Variants in OR4C12 observed in about 807,000 individuals in gnomAD.
OR4C12 encodes olfactory receptor family 4 subfamily C member 12.
Under a neutral mutation model 12.3 loss-of-function variants are expected in OR4C12, and 11 were observed. The observed-to-expected ratio is 0.89, with a 90% CI of 0.56 to 1.48. The LOEUF (loss-of-function observed/expected upper bound fraction) is 1.48. OR4C12 is among the 40% of genes most tolerant of loss of function. OR4C12 has a pLI of 0.00. For missense variants in OR4C12, 414 were observed against 365.8 expected, an observed-to-expected ratio of 1.13 and a Z score of -1.08; for synonymous variants, 138 against 133.2, an observed-to-expected ratio of 1.04 and a Z score of -0.25.
Position 49,981,924 on chromosome 11 carries a change from A to AG in OR4C12, c.577dup (p.Leu193ProfsTer35). On this transcript the variant is annotated frameshift_variant, in exon 1 of 1. Coordinates refer to ENST00000335238, the MANE Select transcript of OR4C12 (RefSeq NM_001005270.4). LOFTEE classifies it high-confidence loss of function. ...ACTGTTCACAGCAACAAAGAGACCA[A>AG]GGGTATGAGTGTCTATGCAAACAAG... is the stretch of plus-strand genomic sequence containing the variant. 1.2e-6 allele frequency: 2 copies of AG among 1,614,130 alleles called. No individual in the cohort carries two copies. The highest frequency in any genetic ancestry group is 1.7e-6 in the Non-Finnish European group (2 of 1,179,982).
rs1854154016 is a variant in OR4C12 at position 49,982,226 on chromosome 11, AAAG to A, written c.273_275del (p.Phe92del). Reference sequence around the variant, plus strand: ...CATAGGCTTGAGCCATACACCCATTAAAGGAGATGATTTTCTTCTCTTGAAAGG... The same window carrying A: ...CATAGGCTTGAGCCATACACCCATTAGAGATGATTTTCTTCTCTTGAAAGG... On this transcript the variant is annotated inframe_deletion, in exon 1 of 1. Transcript: ENST00000335238. 1 of 1,614,106 alleles carries A rather than the reference AAAG, an allele frequency of 6.2e-7. No homozygotes were observed. Among genetic ancestry groups the A allele is most frequent in the Non-Finnish European group, 8.5e-7 (1 of 1,179,960 alleles).
Position 49,981,643 on chromosome 11 carries a change from G to A in OR4C12, c.859C>T (p.Leu287Phe), listed in dbSNP as rs782523203. Residue 287 changes from leucine (L) to phenylalanine (F), a missense_variant, in exon 1 of 1, where the codon CTC (leucine) becomes TTC (phenylalanine). Physicochemically the swap from Leu to Phe is conservative, Grantham distance 22. Transcript: ENST00000335238. ...VPMLNPVVYT[L>F]RNAEVKSAIR... The stretch of plus-strand genomic sequence containing the variant: ...GCACTTTTTACCTCAGCATTTCTGA[G>A]TGTGTAGACCACGGGATTTAACATT... 3.2e-5 allele frequency: 52 copies of A among 1,613,518 alleles called. 1 individual carries two copies. Among genetic ancestry groups the A allele is most frequent in the Non-Finnish European group, 4.3e-5 (51 of 1,179,790 alleles).
rs782272681 is a variant in OR4C12 at position 49,981,593 on chromosome 11, T to C, written c.909A>G (p.Lys303=). 1.8e-5 allele frequency: 29 copies of C among 1,608,028 alleles called. No individual in the cohort carries two copies. Among genetic ancestry groups the C allele is most frequent in the East Asian group, 6.7e-5 (3 of 44,862 alleles). ...TTATTTAATCATTATCTGAAGTCACTTTTTTTCTCCAAAGCTTCCTTATTG... is the reference window on the plus strand; with the variant it reads ...TTATTTAATCATTATCTGAAGTCACCTTTTTTCTCCAAAGCTTCCTTATTG... ...KSAIRKLWRK[K]VTSDND is the part of the protein sequence containing the mutation. Residue 303 remains lysine, a synonymous_variant, in exon 1 of 1, where the codon AAA becomes AAG. Coordinates refer to ENST00000335238, the MANE Select transcript of OR4C12 (RefSeq NM_001005270.4).
Position 49,981,709 on chromosome 11 carries a change from T to C in OR4C12, c.793A>G (p.Ile265Val), listed in dbSNP as rs199554448. ...VYLRSVTTLP[I>V]DKAVAVFYTM... ...TAAAATACAGCAACAGCTTTATCAA[T>C]GGGCAGAGTGGTCACTGAGCGCAGA... The change falls in exon 1 of 1, where the codon ATT (isoleucine) becomes GTT (valine). Residue 265 changes from isoleucine (I) to valine (V), a missense_variant. By Grantham distance (29) the Ile-to-Val change is conservative (BLOSUM62 3). Coordinates refer to ENST00000335238, the MANE Select transcript of OR4C12 (RefSeq NM_001005270.4). 447 of 1,613,820 alleles carry C rather than the reference T, an allele frequency of 2.8e-4. No individual in the cohort carries two copies. Among genetic ancestry groups the C allele is most frequent in the East Asian group, 1.2e-3 (53 of 44,858 alleles).
In OR4C12 at chr11:49,982,150, A is replaced by G. The variant is rs1555020254; in HGVS notation, c.352T>C (p.Cys118Arg). ...TTGCAGATGGCCACATAGCAGTCAC[A>G]GGCCATCACTGTCAGCAGGATGATC... ...TEIILLTVMA[C>R]DCYVAICKPL... The change falls in exon 1 of 1, where the codon TGT (cysteine) becomes CGT (arginine). Residue 118 changes from cysteine to arginine, a missense_variant. Transcript: ENST00000335238. The G allele has an allele frequency of 3.1e-6, 5 of 1,613,956 alleles. No individual in the cohort carries two copies. In the Admixed American group the frequency reaches 6.7e-5, roughly 22 times the overall value.
chr11:49,982,313 G>A lies in OR4C12; in HGVS notation c.189C>T (p.His63=). 1.2e-6 allele frequency: 2 copies of A among 1,614,068 alleles called. No homozygotes were observed. Among genetic ancestry groups the A allele is most frequent in the Admixed American group, 1.7e-5 (1 of 60,006 alleles). Reference sequence around the variant, plus strand: ...AATAAACTGTGTCTATCAAAGAAAGGTGGGTCAGGAAGAAGTACATGGGGG... The same window carrying A: ...AATAAACTGTGTCTATCAAAGAAAGATGGGTCAGGAAGAAGTACATGGGGG... ...LSSPMYFFLT[H]LSLIDTVYSS... Residue 63 remains histidine, a synonymous_variant, in exon 1 of 1, where the codon CAC becomes CAT. Coordinates refer to ENST00000335238, the MANE Select transcript of OR4C12 (RefSeq NM_001005270.4).
rs781918776 is a variant in OR4C12 at position 49,982,335 on chromosome 11, G to A, written c.167C>T (p.Pro56Leu). ...TITTSQALSSPMYFFLTHLSL... is the reference protein window; with the variant it reads ...TITTSQALSSLMYFFLTHLSL... ...AAGGTGGGTCAGGAAGAAGTACATG[G>A]GGGAGCTCAGAGCCTGGCTGGTGGT... Residue 56 changes from proline (P) to leucine (L), a missense_variant, in exon 1 of 1, where the codon CCC (proline) becomes CTC (leucine). Physicochemically the swap from Pro to Leu is moderately conservative, Grantham distance 98. Transcript: ENST00000335238. The A allele has an allele frequency of 9.6e-5, 155 of 1,614,060 alleles. No homozygotes were observed. The East Asian group carries it at 2.1e-3, about 22-fold the overall frequency.
At position 49,982,491 on chromosome 11, in the gene OR4C12, T is replaced by C; in HGVS notation, c.11A>G (p.Lys4Arg). The change falls in exon 1 of 1, where the codon AAA becomes AGA. Residue 4 changes from lysine to arginine, a missense_variant. Coordinates refer to ENST00000335238, the MANE Select transcript of OR4C12 (RefSeq NM_001005270.4). ...TAAAATGAATTCAGTCACATTCTTTTTCTTCTCCATCTATGTAGTGTGGGT... is the reference window on the plus strand; with the variant it reads ...TAAAATGAATTCAGTCACATTCTTTCTCTTCTCCATCTATGTAGTGTGGGT... MEKKKNVTEFILIG... is the reference protein window; with the variant it reads MEKRKNVTEFILIG... 4 of 1,597,308 alleles carry C rather than the reference T, an allele frequency of 2.5e-6. No individual in the cohort carries two copies. The highest frequency in any genetic ancestry group is 3.4e-6 in the Non-Finnish European group (4 of 1,166,852).
rs782106341 is a variant in OR4C12, at chr11:49,981,784, A to G, written c.718T>C (p.Ser240Pro). 12 of 1,613,930 alleles carry G rather than the reference A, an allele frequency of 7.4e-6. No individual in the cohort carries two copies. Among genetic ancestry groups the G allele is most frequent in the Non-Finnish European group, 1.0e-5 (12 of 1,179,900 alleles). ...AATAAGACAACTACTATGATGTGAG[A>G]AATACAGGTGGAGAGGGCTTTACAC... The part of the protein sequence containing the change: ...GRCKALSTCI[S>P]HIIVVVLFFV... The change falls in exon 1 of 1, where the codon TCT (serine) becomes CCT (proline). Residue 240 changes from serine (S) to proline (P), a missense_variant. Coordinates refer to ENST00000335238, the MANE Select transcript of OR4C12 (RefSeq NM_001005270.4).
chr11:49,981,588 G>A lies in OR4C12; in HGVS notation c.914C>T (p.Thr305Ile). Residue 305 changes from threonine to isoleucine, a missense_variant, in exon 1 of 1, where the codon ACT becomes ATT. By Grantham distance (89) the Thr-to-Ile change is moderately conservative (BLOSUM62 -1). Transcript: ENST00000335238. Reference sequence around the variant, plus strand: ...TGGTCTTATTTAATCATTATCTGAAGTCACTTTTTTTCTCCAAAGCTTCCT... The same window carrying A: ...TGGTCTTATTTAATCATTATCTGAAATCACTTTTTTTCTCCAAAGCTTCCT... ...AIRKLWRKKV[T>I]SDND 6.2e-7 allele frequency: 1 copy of A among 1,605,986 alleles called. No homozygotes were observed. Among genetic ancestry groups the A allele is most frequent in the East Asian group, 2.2e-5 (1 of 44,818 alleles).
chr11:49,982,126 T>G lies in OR4C12; in HGVS notation c.376A>C (p.Lys126Gln). 3 of 1,614,162 alleles carry G rather than the reference T, an allele frequency of 1.9e-6. 1 individual carries two copies. The South Asian group carries it at 3.3e-5, about 18-fold the overall frequency. ...MACDCYVAIC[K>Q]PLNYTTIMSH... ...ATAATGGTTGTGTAGTTCAGAGGTT[T>G]GCAGATGGCCACATAGCAGTCACAG... is the stretch of plus-strand genomic sequence containing the variant. Residue 126 changes from lysine to glutamine, a missense_variant, in exon 1 of 1, where the codon AAA becomes CAA. Physicochemically the swap from Lys to Gln is moderately conservative, Grantham distance 53 (BLOSUM62 1). Coordinates refer to ENST00000335238, the MANE Select transcript of OR4C12 (RefSeq NM_001005270.4).
rs782174569 is a variant in OR4C12 at position 49,982,414 on chromosome 11, A to C, written c.88T>G (p.Leu30Val). ...GAAAGTGTTATCATGTAAAGAACCA[A>C]AAATACTACAAACGTGACTTTCTCC... is the stretch of plus-strand genomic sequence containing the variant. ...IMEKVTFVVF[L>V]VLYMITLSGN... Residue 30 changes from leucine to valine, a missense_variant, in exon 1 of 1, where the codon TTG becomes GTG. By Grantham distance (32) the Leu-to-Val change is conservative. Coordinates refer to ENST00000335238, the MANE Select transcript of OR4C12 (RefSeq NM_001005270.4). The C allele has an allele frequency of 1.5e-5, 25 of 1,613,730 alleles. No individual in the cohort carries two copies. The Middle Eastern group carries it at 4.9e-4, about 32-fold the overall frequency.
chr11:49,982,089 A>T lies in OR4C12; in HGVS notation c.413T>A (p.Leu138Gln), dbSNP rs374949660. ...LNYTTIMSHS[L>Q]CILLVAVAWV... is the part of the protein sequence containing the mutation. ...GGCCACTGCCACCAGGAGAATGCAC[A>T]GGCTGTGGCTCATAATGGTTGTGTA... is the stretch of plus-strand genomic sequence containing the variant. The change falls in exon 1 of 1, where the codon CTG becomes CAG. Residue 138 changes from leucine to glutamine, a missense_variant. Physicochemically the swap from Leu to Gln is moderately radical, Grantham distance 113. Transcript: ENST00000335238. 7 of 1,614,214 alleles carry T rather than the reference A, an allele frequency of 4.3e-6. No homozygotes were observed. The highest frequency in any genetic ancestry group is 5.9e-6 in the Non-Finnish European group (7 of 1,180,020).
In OR4C12 at chr11:49,981,682, T is replaced by C. The variant is rs782374513; in HGVS notation, c.820A>G (p.Thr274Ala). The C allele has an allele frequency of 2.4e-5, 38 of 1,613,404 alleles. No homozygotes were observed. In the East Asian group the frequency reaches 4.9e-4, roughly 21 times the overall value. Residue 274 changes from threonine (T) to alanine (A), a missense_variant, in exon 1 of 1, where the codon ACT becomes GCT. By Grantham distance (58) the Thr-to-Ala change is moderately conservative (BLOSUM62 0). Transcript: ENST00000335238. ...GGATTTAACATTGGGACCACCATAG[T>C]ATAAAATACAGCAACAGCTTTATCA... ...PIDKAVAVFY[T>A]MVVPMLNPVV... is the part of the protein sequence containing the mutation.
In OR4C12 at chr11:49,982,004, G is replaced by A. The variant is rs1403445589; in HGVS notation, c.498C>T (p.Phe166=). The change falls in exon 1 of 1, where the codon TTC becomes TTT. Residue 166 remains phenylalanine (F), a synonymous_variant. Transcript: ENST00000335238. ...AGTGGCCTATGACATTGGGGCCACA[G>A]AAGGGCAGCCATACTGTAAAGAGAA... The part of the protein sequence containing the change: ...IQILFTVWLP[F]CGPNVIGHFM... 35 of 1,614,056 alleles carry A rather than the reference G, an allele frequency of 2.2e-5. No individual in the cohort carries two copies. The highest frequency in any genetic ancestry group is 3.0e-5 in the Non-Finnish European group (35 of 1,180,016).
chr11:49,981,970 C>A lies in OR4C12; in HGVS notation c.532G>T (p.Asp178Tyr). The A allele has an allele frequency of 6.2e-7, 1 of 1,614,062 alleles. No homozygotes were observed. The highest frequency in any genetic ancestry group is 8.5e-7 in the Non-Finnish European group (1 of 1,179,996). ...ACAAGTTTTAACAATGGGTACAAGT[C>A]ACACATGAAGTGGCCTATGACATTG... ...GPNVIGHFMC[D>Y]LYPLLKLVCI... Residue 178 changes from aspartate (D) to tyrosine (Y), a missense_variant, in exon 1 of 1, where the codon GAC becomes TAC. By Grantham distance (160) the Asp-to-Tyr change is radical. Coordinates refer to ENST00000335238, the MANE Select transcript of OR4C12 (RefSeq NM_001005270.4).
chr11:49,982,022 A>G lies in OR4C12; in HGVS notation c.480T>C (p.Phe160=). 1 of 1,614,168 alleles carries G rather than the reference A, an allele frequency of 6.2e-7. No individual in the cohort carries two copies. The highest frequency in any genetic ancestry group is 8.5e-7 in the Non-Finnish European group (1 of 1,179,992). The part of the protein sequence containing the change: ...GFLHATIQIL[F]TVWLPFCGPN... The stretch of plus-strand genomic sequence containing the variant: ...GGCCACAGAAGGGCAGCCATACTGT[A>G]AAGAGAATCTGAATAGTTGCATGAA... The change falls in exon 1 of 1, where the codon TTT becomes TTC. Residue 160 remains phenylalanine, a synonymous_variant. Coordinates refer to ENST00000335238, the MANE Select transcript of OR4C12 (RefSeq NM_001005270.4).
Position 49,982,532 on chromosome 11 carries a change from A to G in OR4C12, c.-31T>C, listed in dbSNP as rs1854162298. ...TAGTGTGGGTGATAAAACCTCCAGG[A>G]AGGAATATTTTACCTTTAGAAAAAA... On this transcript the variant is annotated 5_prime_UTR_variant, in exon 1 of 1. Coordinates refer to ENST00000335238, the MANE Select transcript of OR4C12 (RefSeq NM_001005270.4). 1 of 1,285,562 alleles carries G rather than the reference A, an allele frequency of 7.8e-7. No homozygotes were observed. The highest frequency in any genetic ancestry group is 1.1e-6 in the Non-Finnish European group (1 of 914,586). The allele number at this position is 1,285,562 out of a possible 1,614,324, so 79.6% of individuals were successfully genotyped here.
chr11:49,982,130 G>C lies in OR4C12; in HGVS notation c.372C>G (p.Ile124Met). ...TVMACDCYVA[I>M]CKPLNYTTIM... ...TGGTTGTGTAGTTCAGAGGTTTGCA[G>C]ATGGCCACATAGCAGTCACAGGCCA... The change falls in exon 1 of 1, where the codon ATC becomes ATG. Residue 124 changes from isoleucine to methionine, a missense_variant. Physicochemically the swap from Ile to Met is conservative, Grantham distance 10 (BLOSUM62 1). Transcript: ENST00000335238. 6.2e-7 allele frequency: 1 copy of C among 1,614,160 alleles called. No homozygotes were observed. Among genetic ancestry groups the C allele is most frequent in the Non-Finnish European group, 8.5e-7 (1 of 1,179,994 alleles).
Sources: allele counts gnomAD v4.1 joint callset, GRCh38; gene constraint gnomAD v4.1.1; transcripts MANE v1.5; gene names NCBI Gene and HGNC (gene_info 2026-07-23, HGNC 2026-07-21).